NDUFAF2: variants seen among roughly 807,000 people sequenced by gnomAD.
The protein encoded by NDUFAF2 is NADH:ubiquinone oxidoreductase complex assembly factor 2.
NDUFAF2 carries 13 observed loss-of-function variants against 22.8 expected under a neutral mutation model. That is an observed-to-expected ratio of 0.57 (90% CI 0.37 to 0.91). The LOEUF is 0.91. NDUFAF2 is among the 40% of genes least tolerant of loss of function. NDUFAF2 has a pLI of 0.01. For missense variants in NDUFAF2, 162 were observed against 195.2 expected, an observed-to-expected ratio of 0.83 and a Z score of 1.01; for synonymous variants, 53 against 64.2, an observed-to-expected ratio of 0.83 and a Z score of 0.84.
At chr5:61,025,707 A>G (rs1751640900) in intron 1 of NDUFAF2, among the ~76,000 whole-genome samples, 1 of 151,972 alleles carries the variant, frequency 6.6e-6, no homozygotes, top group Non-Finnish European at 1.5e-5. Context: ...TTATTTTGTG[A>G]CTGCTTTTGA....
chr5:61,038,982 ATT>A (rs1751837068), intron 1 of NDUFAF2, among the ~76,000 whole-genome samples: 1 of 151,908 alleles, frequency 6.6e-6, no homozygotes, highest in Non-Finnish European at 1.5e-5. Flanking sequence ...ATACTTCTTC[ATT>A]ATTACTTGCT....
chr5:60,969,145 A>G lies in NDUFAF2; in HGVS notation c.127+23763A>G, dbSNP rs191468726. ...ACATTTAGGTTGCTTCCAAATCTTC[A>G]TTATTGTGAATAGTACTACAGTAAA... On this transcript the variant is annotated intron_variant, in intron 1 of 3. Transcript: ENST00000296597. Among the ~76,000 whole-genome samples the G allele has an allele frequency of 8.9e-4, 136 of 152,044 alleles. 1 individual carries two copies. The highest frequency in any genetic ancestry group is 3.2e-3 in the African/African-American group (131 of 41,508).
intron 2 of NDUFAF2, among the ~76,000 whole-genome samples, chr5:61,078,770 G>A (rs2111739481): frequency 6.6e-6 from 1 of 152,120 alleles, no homozygotes; most frequent in East Asian, 1.9e-4. Context: ...GAGATTCTTG[G>A]ACAAGATTCA....
At chr5:61,071,704 T>C (rs938101994) in intron 1 of NDUFAF2, among the ~76,000 whole-genome samples, 3 of 152,230 alleles carry the variant, frequency 2.0e-5, no homozygotes, top group Admixed American at 6.5e-5. Context: ...GTCTGATCAC[T>C]GTTAAGCCAT....
At chr5:60,986,190 A>C (rs960723572) in intron 1 of NDUFAF2, among the ~76,000 whole-genome samples, 3 of 152,130 alleles carry the variant, frequency 2.0e-5, no homozygotes, top group African/African-American at 7.2e-5. Context: ...AGATGTCTAC[A>C]CTCTTGTGTT....
At chr5:61,081,392 G>A (rs1292521946) in intron 2 of NDUFAF2, among the ~76,000 whole-genome samples, 1 of 152,034 alleles carries the variant, frequency 6.6e-6, no homozygotes, top group African/African-American at 2.4e-5. Flanking sequence ...TAGTCATCTT[G>A]GAAAAATAAG....
intron 3 of NDUFAF2, among the ~76,000 whole-genome samples, chr5:61,107,981 A>C (rs1290762155): frequency 1.3e-5 from 2 of 150,834 alleles, no homozygotes; most frequent in African/African-American, 5.0e-5. Flanking sequence ...CCATGTCCCT[A>C]CAAAGGACAT....
At chr5:61,044,738 G>T (rs931282947) in intron 1 of NDUFAF2, among the ~76,000 whole-genome samples, 11 of 152,018 alleles carry the variant, frequency 7.2e-5, no homozygotes, top group African/African-American at 1.2e-4. Context: ...CTTTGTAATA[G>T]ATTTTCAAAT....
At chr5:61,036,993 T>A (rs1017992345) in intron 1 of NDUFAF2, among the ~76,000 whole-genome samples, 1 of 152,126 alleles carries the variant, frequency 6.6e-6, no homozygotes, top group African/African-American at 2.4e-5. Context: ...ATCCTAAATT[T>A]TTTTTCATCT....
intron 1 of NDUFAF2, among the ~76,000 whole-genome samples, chr5:61,032,145 G>T (rs566480713): frequency 6.6e-6 from 1 of 152,258 alleles, no homozygotes; most frequent in African/African-American, 2.4e-5. Context: ...CAGATGGATA[G>T]ATTGGAAAAA....
intron 3 of NDUFAF2, among the ~76,000 whole-genome samples, chr5:61,121,949 G>A (rs550753325): frequency 6.6e-6 from 1 of 151,486 alleles, no homozygotes; most frequent in East Asian, 1.9e-4. Context: ...CCGTGCCTCA[G>A]CCTCCCAAAA....
intron 1 of NDUFAF2, among the ~76,000 whole-genome samples, chr5:60,949,491 C>T (rs1208680767): frequency 6.6e-6 from 1 of 152,190 alleles, no homozygotes; most frequent in Non-Finnish European, 1.5e-5. Context: ...ATTATGAATA[C>T]AGCTGCAAGA....
intron 1 of NDUFAF2, among the ~76,000 whole-genome samples, chr5:61,035,070 ATT>A (rs34608613): frequency 2.1e-5 from 3 of 142,890 alleles, no homozygotes; most frequent in Admixed American, 7.1e-5. Flanking sequence ...AAGATAGTGT[ATT>A]TTTTTTTTTT....
chr5:61,013,736 G>C (rs1430317422), intron 1 of NDUFAF2, among the ~76,000 whole-genome samples: 1 of 149,454 alleles, frequency 6.7e-6, no homozygotes, highest in African/African-American at 2.5e-5. Context: ...GGAATTCCTA[G>C]TTTAGGTGAA....
intron 1 of NDUFAF2, among the ~76,000 whole-genome samples, chr5:61,012,301 A>G (rs888830619): frequency 6.6e-6 from 1 of 151,880 alleles, no homozygotes; most frequent in African/African-American, 2.4e-5. Context: ...CCTACTCAGT[A>G]TTTCCACCAA....
chr5:61,148,382 T>G (rs1579854948), intron 3 of NDUFAF2, among the ~76,000 whole-genome samples: 2 of 152,250 alleles, frequency 1.3e-5, no homozygotes, highest in East Asian at 3.8e-4. Flanking sequence ...ACTAGCCTGG[T>G]ACCAGTTATT....
chr5:61,082,329 C>G (rs1406111948), intron 2 of NDUFAF2, among the ~76,000 whole-genome samples: 1 of 152,102 alleles, frequency 6.6e-6, no homozygotes. Flanking sequence ...AACTCCTGGC[C>G]TCAAGCAATC....
chr5:60,962,303 A>G (rs192691362), intron 1 of NDUFAF2, among the ~76,000 whole-genome samples: 2 of 151,948 alleles, frequency 1.3e-5, no homozygotes, highest in Non-Finnish European at 2.9e-5. Flanking sequence ...TTTTTTGCAA[A>G]AGTTGAAAGC....
At chr5:61,100,368 G>C (rs1477159287) in intron 3 of NDUFAF2, among the ~76,000 whole-genome samples, 1 of 152,020 alleles carries the variant, frequency 6.6e-6, no homozygotes, top group Non-Finnish European at 1.5e-5. Flanking sequence ...GTAAATTTTA[G>C]GTAATTTCAG....
Sources: allele counts gnomAD v4.1 joint callset (sites outside exome capture counted in the v4.1 genomes callset), GRCh38; gene constraint gnomAD v4.1.1; transcripts MANE v1.5; gene names NCBI Gene and HGNC (gene_info 2026-07-23, HGNC 2026-07-21).